The following PCDH9 variants were observed in gnomAD, a reference collection of about 807,000 sequenced individuals.
PCDH9 encodes the protein protocadherin 9, also known as protocadherin-9.
A neutral mutation model predicts 70.6 loss-of-function variants in PCDH9; 24 were observed. That is an observed-to-expected ratio of 0.34 (90% CI 0.25 to 0.48). PCDH9 has a LOEUF of 0.48. Ranked by LOEUF, PCDH9 falls within the 20% of genes least tolerant of loss-of-function variation. The pLI is 0.99. For missense variants in PCDH9, 1,281 were observed against 1,503.6 expected (o/e 0.85, Z 2.45); for synonymous variants, 562 against 558.5 (o/e 1.01, Z -0.09).
intron 4 of PCDH9, among the ~76,000 whole-genome samples, chr13:66,479,881 A>G (rs1246888369): frequency 6.6e-6 from 1 of 152,194 alleles, no homozygotes; most frequent in Non-Finnish European, 1.5e-5. Context: ...GGGCAGGGAC[A>G]AATAAGGGAA....
chr13:66,982,558 C>T (rs2083796493), intron 2 of PCDH9, among the ~76,000 whole-genome samples: 1 of 152,128 alleles, frequency 6.6e-6, no homozygotes, highest in Non-Finnish European at 1.5e-5. Flanking sequence ...TGTCTTCAAG[C>T]CCTACCTACC....
intron 2 of PCDH9, among the ~76,000 whole-genome samples, chr13:67,115,880 T>C (rs2086759730): frequency 6.6e-6 from 1 of 152,228 alleles, no homozygotes; most frequent in African/African-American, 2.4e-5. Context: ...ATATATCCTA[T>C]ATCCGCTTTC....
chr13:67,151,390 C>G (rs2087657623), intron 2 of PCDH9, among the ~76,000 whole-genome samples: 1 of 152,120 alleles, frequency 6.6e-6, no homozygotes. Flanking sequence ...TTTCCTACAG[C>G]CTTTGCACAT....
At chr13:66,939,239 T>C (rs2082967423) in intron 2 of PCDH9, among the ~76,000 whole-genome samples, 1 of 152,140 alleles carries the variant, frequency 6.6e-6, no homozygotes, top group South Asian at 2.1e-4. Flanking sequence ...CTTAAATATA[T>C]TGTATTAATG....
chr13:66,784,223 T>C (rs1442008), intron 3 of PCDH9, among the ~76,000 whole-genome samples: 56,979 of 152,008 alleles, frequency 0.37, 10,958 homozygotes, highest in East Asian at 0.58. Flanking sequence ...CAATATCCCT[T>C]ATATTTAGGT....
intron 4 of PCDH9, among the ~76,000 whole-genome samples, chr13:66,518,880 G>T (rs929346096): frequency 6.6e-6 from 1 of 152,120 alleles, no homozygotes. Flanking sequence ...AGGGCAAATT[G>T]CTTTATTGGA....
chr13:66,825,368 G>C (rs1390566656), intron 3 of PCDH9: 1 of 97,410 alleles, frequency 1.0e-5, no homozygotes, highest in Admixed American at 1.6e-4. Flanking sequence ...ACGGAGTTTC[G>C]CTCTGTCGCC....
At position 66,711,908 on chromosome 13, in the gene PCDH9, G is replaced by A. The variant is rs572367676; in HGVS notation, c.3139-80497C>T. On this transcript the variant is annotated intron_variant, in intron 3 of 4. Coordinates refer to ENST00000377865, the MANE Select transcript of PCDH9 (RefSeq NM_203487.3). Reference sequence around the variant, plus strand: ...GAGATTCAATTCAAACTCACCAACAGCAACTTTAGCTTTACTTTATGTCTC... The same window carrying A: ...GAGATTCAATTCAAACTCACCAACAACAACTTTAGCTTTACTTTATGTCTC... 6.6e-5 allele frequency among the ~76,000 whole-genome samples: 10 copies of A among 152,208 alleles called. No individual in the cohort carries two copies. In the East Asian group the frequency reaches 1.9e-3, roughly 29 times the overall value.
At chr13:66,727,662 A>G (rs2079023173) in intron 3 of PCDH9, among the ~76,000 whole-genome samples, 1 of 152,184 alleles carries the variant, frequency 6.6e-6, no homozygotes, top group Admixed American at 6.5e-5. Flanking sequence ...CTAGATATAG[A>G]CACAGAGGCA....
chr13:66,576,192 A>G (rs886841612), intron 4 of PCDH9, among the ~76,000 whole-genome samples: 1 of 151,974 alleles, frequency 6.6e-6, no homozygotes, highest in Admixed American at 6.6e-5. Flanking sequence ...ATTTATAAAC[A>G]CTTTATTTCT....
chr13:66,447,218 C>T (rs1272020709), intron 4 of PCDH9, among the ~76,000 whole-genome samples: 3 of 151,944 alleles, frequency 2.0e-5, no homozygotes, highest in Non-Finnish European at 4.4e-5. Context: ...TTTTAAGTTG[C>T]AAAATAGATT....
chr13:67,064,680 A>C (rs547394942), intron 2 of PCDH9, among the ~76,000 whole-genome samples: 125 of 152,272 alleles, frequency 8.2e-4, no homozygotes, highest in Admixed American at 1.6e-3. Flanking sequence ...TAGTAATCAC[A>C]ATAAATGTCT....
At chr13:66,645,908 A>C (rs1004045149) in intron 3 of PCDH9, among the ~76,000 whole-genome samples, 4 of 152,338 alleles carry the variant, frequency 2.6e-5, no homozygotes, top group South Asian at 2.1e-4. Flanking sequence ...GATCCAATCT[A>C]TACAGGGAAG....
At chr13:67,102,323 A>C (rs922159330) in intron 2 of PCDH9, among the ~76,000 whole-genome samples, 2 of 152,108 alleles carry the variant, frequency 1.3e-5, no homozygotes, top group African/African-American at 4.8e-5. Context: ...CAATCTCTAG[A>C]TCTTTCTCAG....
At chr13:67,200,767 C>T (rs1392993386) in intron 2 of PCDH9, among the ~76,000 whole-genome samples, 1 of 151,936 alleles carries the variant, frequency 6.6e-6, no homozygotes, top group Non-Finnish European at 1.5e-5. Flanking sequence ...TAATGAGTAC[C>T]TGGGGTTGGG....
At chr13:66,356,801 C>A (rs554395347) in intron 4 of PCDH9, among the ~76,000 whole-genome samples, 1 of 152,064 alleles carries the variant, frequency 6.6e-6, no homozygotes, top group South Asian at 2.1e-4. Context: ...TATGATAAAG[C>A]TTTTTGCATG....
At chr13:66,758,610 T>C (rs1282053361) in intron 3 of PCDH9, among the ~76,000 whole-genome samples, 1 of 152,050 alleles carries the variant, frequency 6.6e-6, no homozygotes, top group Non-Finnish European at 1.5e-5. Flanking sequence ...TGTCTGGTTT[T>C]AATATTAGAG....
At chr13:66,736,561 A>G (rs2079151823) in intron 3 of PCDH9, among the ~76,000 whole-genome samples, 1 of 152,190 alleles carries the variant, frequency 6.6e-6, no homozygotes, top group Non-Finnish European at 1.5e-5. Context: ...TTATTGTGAC[A>G]TTTTACTATG....
At chr13:66,467,694 A>G (rs897463261) in intron 4 of PCDH9, among the ~76,000 whole-genome samples, 2 of 152,070 alleles carry the variant, frequency 1.3e-5, no homozygotes, top group Admixed American at 6.6e-5. Context: ...TTTCTTTTGA[A>G]TGGATCCTGT....
Sources: allele counts gnomAD v4.1 joint callset (sites outside exome capture counted in the v4.1 genomes callset), GRCh38; gene constraint gnomAD v4.1.1; transcripts MANE v1.5; gene names NCBI Gene and HGNC (gene_info 2026-07-23, HGNC 2026-07-21).